SMURF2: variants seen among roughly 807,000 people sequenced by gnomAD.
SMURF2 encodes SMAD specific E3 ubiquitin protein ligase 2.
SMURF2 carries 48 observed loss-of-function variants against 109.6 expected under a neutral mutation model. The observed-to-expected ratio is 0.44, with a 90% CI of 0.35 to 0.56. The LOEUF (loss-of-function observed/expected upper bound fraction) is 0.56. Among genes scored for constraint, SMURF2 ranks in the 20% least tolerant of loss-of-function variants. The pLI is 0.01. For synonymous variants in SMURF2, 288 were observed against 317.1 expected (o/e 0.91, Z 0.97); for missense variants, 575 against 909.0 (o/e 0.63, Z 4.72).
intron 1 of SMURF2, among the ~76,000 whole-genome samples, chr17:64,625,678 T>A (rs1209109432): frequency 6.6e-6 from 1 of 152,170 alleles, no homozygotes; most frequent in East Asian, 1.9e-4. Context: ...AGAGGGCCTG[T>A]TAAAATACAC....
At chr17:64,617,202 T>C (rs1481637769) in intron 1 of SMURF2, among the ~76,000 whole-genome samples, 1 of 152,018 alleles carries the variant, frequency 6.6e-6, no homozygotes, top group Non-Finnish European at 1.5e-5. Flanking sequence ...TTCTCCTCTT[T>C]CAACAGATAT....
chr17:64,634,973 CTAATAA>C (rs375915671), intron 1 of SMURF2, among the ~76,000 whole-genome samples: 7 of 151,748 alleles, frequency 4.6e-5, no homozygotes, highest in East Asian at 1.9e-4. Context: ...ACATCATAAC[CTAATAA>C]TAATAATAAT....
chr17:64,628,885 C>T (rs544112307), intron 1 of SMURF2, among the ~76,000 whole-genome samples: 21 of 152,266 alleles, frequency 1.4e-4, no homozygotes, highest in Non-Finnish European at 2.4e-4. Flanking sequence ...CATCTTCCTG[C>T]CTTAGATATC....
intron 1 of SMURF2, among the ~76,000 whole-genome samples, chr17:64,614,456 A>G (rs1446866170): frequency 2.0e-5 from 3 of 152,166 alleles, no homozygotes; most frequent in African/African-American, 4.8e-5. Flanking sequence ...CAGCCCATAT[A>G]TTTGTACTAG....
intron 1 of SMURF2, among the ~76,000 whole-genome samples, chr17:64,623,304 C>T (rs1970228065): frequency 6.6e-6 from 1 of 152,188 alleles, no homozygotes; most frequent in Non-Finnish European, 1.5e-5. Flanking sequence ...AAGAACTTAA[C>T]TTTGATCTCC....
At chr17:64,655,252 C>CA (rs1555693811) in intron 1 of SMURF2, among the ~76,000 whole-genome samples, 90 of 85,906 alleles carry the variant, frequency 1.0e-3, no homozygotes, top group African/African-American at 4.7e-3. Flanking sequence ...AATGAAATGT[C>CA]TTTTTTTTTT....
chr17:64,589,519 A>G (rs1302598067), intron 5 of SMURF2, among the ~76,000 whole-genome samples: 1 of 151,644 alleles, frequency 6.6e-6, no homozygotes, highest in African/African-American at 2.4e-5. Flanking sequence ...AGGGTCTGTT[A>G]GGAACCCGGC....
At chr17:64,645,042 C>T (rs8073637) in intron 1 of SMURF2, among the ~76,000 whole-genome samples, 1 of 151,164 alleles carries the variant, frequency 6.6e-6, no homozygotes, top group East Asian at 1.9e-4. Flanking sequence ...TGAGTAGATT[C>T]GACAGGAAGA....
At chr17:64,572,613 CATTCT>C (rs1969413345) in intron 9 of SMURF2, among the ~76,000 whole-genome samples, 1 of 152,174 alleles carries the variant, frequency 6.6e-6, no homozygotes, top group Non-Finnish European at 1.5e-5. Flanking sequence ...TTATATTATA[CATTCT>C]TAAAATACTA....
chr17:64,629,959 C>T (rs1245097647), intron 1 of SMURF2, among the ~76,000 whole-genome samples: 3 of 152,012 alleles, frequency 2.0e-5, no homozygotes, highest in Non-Finnish European at 4.4e-5. Context: ...GAAAGGAGGC[C>T]GGGCACAGTG....
At chr17:64,586,679 A>G (rs1311627693) in intron 5 of SMURF2, among the ~76,000 whole-genome samples, 2 of 134,100 alleles carry the variant, frequency 1.5e-5, no homozygotes, top group Non-Finnish European at 3.1e-5. Context: ...TGAACCTGGG[A>G]GGCGGAGCTT....
At chr17:64,589,589 C>G (rs1462950765) in intron 5 of SMURF2, among the ~76,000 whole-genome samples, 2 of 151,886 alleles carry the variant, frequency 1.3e-5, no homozygotes, top group Non-Finnish European at 1.5e-5. Context: ...TGCCTCCTAT[C>G]AGATCAGTGG....
In SMURF2 at chr17:64,545,732, A is replaced by T; in HGVS notation, c.*116T>A. ...CCTAAAATGTAAAAAAAAAAAAAAA[A>T]AGGGGGGGGGGGGGAGTGTTTTCCT... On this transcript the variant is annotated 3_prime_UTR_variant, in exon 19 of 19. Transcript: ENST00000262435. The T allele has an allele frequency of 7.4e-6, 1 of 135,362 alleles. No individual in the cohort carries two copies. Among genetic ancestry groups the T allele is most frequent in the Non-Finnish European group, 1.3e-5 (1 of 76,074 alleles). 8.4% of individuals were successfully genotyped at this position (135,362 alleles called of 1,614,324 possible). A position where few individuals can be genotyped will look rare whatever the true frequency, so the allele number is the denominator to read the frequency against.
At chr17:64,621,112 A>G (rs1970195098) in intron 1 of SMURF2, among the ~76,000 whole-genome samples, 1 of 152,240 alleles carries the variant, frequency 6.6e-6, no homozygotes, top group Non-Finnish European at 1.5e-5. Flanking sequence ...AACATTGTAA[A>G]CAAAGGTAAA....
intron 1 of SMURF2, among the ~76,000 whole-genome samples, chr17:64,629,885 T>TG (rs1555691445): frequency 6.6e-6 from 1 of 152,144 alleles, no homozygotes; most frequent in African/African-American, 2.4e-5. Context: ...AGAACTGTCC[T>TG]GGGGGGATGT....
At chr17:64,648,339 C>G (rs1210397918) in intron 1 of SMURF2, among the ~76,000 whole-genome samples, 1 of 152,054 alleles carries the variant, frequency 6.6e-6, no homozygotes, top group African/African-American at 2.4e-5. Flanking sequence ...CAAATGAACA[C>G]TTCAGTCCTA....
intron 1 of SMURF2, among the ~76,000 whole-genome samples, chr17:64,644,389 A>G (rs1970530750): frequency 1.3e-5 from 2 of 151,616 alleles, no homozygotes; most frequent in African/African-American, 2.4e-5. Context: ...GTTTGAGACC[A>G]GCCTTGGCAA....
At chr17:64,603,789 A>G (rs1170684363) in intron 2 of SMURF2, among the ~76,000 whole-genome samples, 2 of 152,142 alleles carry the variant, frequency 1.3e-5, no homozygotes, top group African/African-American at 4.8e-5. Context: ...ACATGAGTTA[A>G]AAAAACTTTT....
intron 1 of SMURF2, among the ~76,000 whole-genome samples, chr17:64,657,598 G>T (rs1970721740): frequency 6.6e-6 from 1 of 151,734 alleles, no homozygotes; most frequent in South Asian, 2.1e-4. Flanking sequence ...CCAGCCAGTT[G>T]GGAAGCCAAG....
Sources: gnomAD v4.1 joint callset for allele counts (sites outside exome capture counted in the v4.1 genomes callset) on GRCh38, gnomAD v4.1.1 for gene constraint, MANE v1.5 for transcripts, NCBI Gene and HGNC (gene_info 2026-07-23, HGNC 2026-07-21) for gene names.